Variants in SERPINA10 observed in about 807,000 individuals in gnomAD.
The protein encoded by SERPINA10 is protein Z-dependent protease inhibitor.
A neutral mutation model predicts 28.0 loss-of-function variants in SERPINA10; 24 were observed. That is an observed-to-expected ratio of 0.86 (90% CI 0.62 to 1.20). The LOEUF is 1.20. Ranked by LOEUF, SERPINA10 falls within the 50% of genes most tolerant of loss-of-function variation. The pLI, the probability that SERPINA10 is intolerant of heterozygous loss-of-function variation, is 0.00. For synonymous variants in SERPINA10, 207 were observed against 203.9 expected, an observed-to-expected ratio of 1.02 and a Z score of -0.13; for missense variants, 521 against 537.7, an observed-to-expected ratio of 0.97 and a Z score of 0.31.
rs189012264 is a variant in SERPINA10, at chr14:94,289,475, A to T, written c.718+401T>A. ...TTCATTGTCTCATTTAGCCTCTAAC[A>T]CTGTAGTAGGTGGAGTGTCCCTATT... On this transcript the variant is annotated intron_variant, in intron 2 of 4. Transcript: ENST00000261994. 2.7e-5 allele frequency among the ~76,000 whole-genome samples: 4 copies of T among 145,692 alleles called. No individual in the cohort carries two copies. The East Asian group carries it at 7.7e-4, about 28-fold the overall frequency.
At position 94,283,928 on chromosome 14, in the gene SERPINA10, A is replaced by G. The variant is rs558262662; in HGVS notation, c.*37T>C. On this transcript the variant is annotated 3_prime_UTR_variant, in exon 5 of 5. Coordinates refer to ENST00000261994, the MANE Select transcript of SERPINA10 (RefSeq NM_001100607.3). Reference sequence around the variant, plus strand: ...GTGTGTTTGATACCTCAGATTCAGCATCTACTACAGCACGAAGTGCTTATG... The same window carrying G: ...GTGTGTTTGATACCTCAGATTCAGCGTCTACTACAGCACGAAGTGCTTATG... 2.8e-5 allele frequency: 44 copies of G among 1,599,470 alleles called. 2 individuals carry two copies. The South Asian group carries it at 4.6e-4, about 17-fold the overall frequency.
At chr14:94,292,698 T>TA (rs1400993788) in intron 1 of SERPINA10, 33 of 701,912 alleles carry the variant, frequency 4.7e-5, no homozygotes, top group Admixed American at 3.8e-4. Flanking sequence ...AAGGTCTTTG[T>TA]AAAGTCTTTG....
At position 94,289,904 on chromosome 14, in the gene SERPINA10, T is replaced by G; in HGVS notation, c.690A>C (p.Leu230Phe). Residue 230 changes from leucine (L) to phenylalanine (F), a missense_variant, in exon 2 of 5, where the codon TTA (leucine) becomes TTC (phenylalanine). By Grantham distance (22) the Leu-to-Phe change is conservative. Transcript: ENST00000261994. ...TGAACAAGATGTAATCCACAAGAAT[T>G]AATTTGGTTTCAGGATTAATCTCAT... ...LFDEINPETK[L>F]ILVDYILFKG... 6.2e-7 allele frequency: 1 copy of G among 1,613,928 alleles called. No homozygotes were observed. The highest frequency in any genetic ancestry group is 8.5e-7 in the Non-Finnish European group (1 of 1,179,942).
chr14:94,290,653 G>C lies in SERPINA10; in HGVS notation c.-50-10C>G. On this transcript the variant is annotated splice_polypyrimidine_tract_variant and intron_variant, in intron 1 of 4. Coordinates refer to ENST00000261994, the MANE Select transcript of SERPINA10 (RefSeq NM_001100607.3). ...TCAGCTGCAAGACTTCCTGTGGAGA[G>C]GAGAGGATAGAGATGGTTTTAATGC... 1 of 1,599,786 alleles carries C rather than the reference G, an allele frequency of 6.3e-7. No individual in the cohort carries two copies. Among genetic ancestry groups the C allele is most frequent in the African/African-American group, 1.3e-5 (1 of 74,980 alleles).
chr14:94,281,509 C>G lies in SERPINA10; in HGVS notation c.*2456G>C, dbSNP rs915215511. ...GACTTCTACAATGTTAAGATTTCCC[C>G]CGCTCGGTTGGAAACCCTGAATTTG... On this transcript the variant is annotated 3_prime_UTR_variant, in exon 5 of 5. Transcript: ENST00000261994. The G allele has an allele frequency of 1.3e-5, 2 of 152,068 alleles. No individual in the cohort carries two copies. The highest frequency in any genetic ancestry group is 2.9e-5 in the Non-Finnish European group (2 of 68,016). 9.4% of individuals were successfully genotyped at this position (152,068 alleles called of 1,614,324 possible). A position where few individuals can be genotyped will look rare whatever the true frequency, so the allele number is the denominator to read the frequency against.
chr14:94,290,422 C>T lies in SERPINA10; in HGVS notation c.172G>A (p.Glu58Lys). The change falls in exon 2 of 5, where the codon GAG (glutamate) becomes AAG (lysine). Residue 58 changes from glutamate to lysine, a missense_variant. Glu to Lys is a moderately conservative substitution (Grantham distance 56). Transcript: ENST00000261994. ...EEEDEQEASEEKASEEEKAWL... is the reference protein window; with the variant it reads ...EEEDEQEASEKKASEEEKAWL... Reference sequence around the variant, plus strand: ...GCTTTCTCTTCCTCACTGGCCTTCTCCTCGCTGGCCTCCTGCTCATCTTCC... The same window carrying T: ...GCTTTCTCTTCCTCACTGGCCTTCTTCTCGCTGGCCTCCTGCTCATCTTCC... The T allele has an allele frequency of 1.2e-6, 2 of 1,613,886 alleles. No homozygotes were observed. The highest frequency in any genetic ancestry group is 2.2e-5 in the East Asian group (1 of 44,870).
intron 1 of SERPINA10, among the ~76,000 whole-genome samples, chr14:94,292,367 T>C (rs776676979): frequency 6.6e-6 from 1 of 152,132 alleles, no homozygotes; most frequent in Non-Finnish European, 1.5e-5. Flanking sequence ...GCTGGCACCC[T>C]GACTCGGACT....
In SERPINA10 at chr14:94,292,053, T is replaced by C. The variant is rs17129536; in HGVS notation, c.-51+1136A>G. ...CAGGTCACCCAAGTATTGTAAACGT[T>C]GGGTAAATAGCTCTTTCAGTGTAAA... On this transcript the variant is annotated intron_variant, in intron 1 of 4. Transcript: ENST00000261994. Among the ~76,000 whole-genome samples, 999 of 152,302 alleles carry C rather than the reference T, an allele frequency of 6.6e-3. 6 individuals are homozygous for C. Among genetic ancestry groups the C allele is most frequent in the Middle Eastern group, 0.044 (13 of 294 alleles).
Position 94,290,308 on chromosome 14 carries a change from C to T in SERPINA10, c.286G>A (p.Gly96Ser). Residue 96 changes from glycine (G) to serine (S), a missense_variant, in exon 2 of 5, where the codon GGC (glycine) becomes AGC (serine). Coordinates refer to ENST00000261994, the MANE Select transcript of SERPINA10 (RefSeq NM_001100607.3). ...LLRKISMRHD[G>S]NMVFSPFGMS... The stretch of plus-strand genomic sequence containing the variant: ...CCAAATGGAGAGAAGACCATGTTGC[C>T]ATCGTGCCTCATGGAGATCTTTCGC... The T allele has an allele frequency of 6.2e-7, 1 of 1,614,194 alleles. No individual in the cohort carries two copies. Among genetic ancestry groups the T allele is most frequent in the Non-Finnish European group, 8.5e-7 (1 of 1,180,022 alleles).
intron 1 of SERPINA10, among the ~76,000 whole-genome samples, chr14:94,291,265 G>A (rs1233986110): frequency 6.6e-6 from 1 of 152,192 alleles, no homozygotes; most frequent in Non-Finnish European, 1.5e-5. Flanking sequence ...CCGGGTAGCA[G>A]GAGGCCCCGC....
In SERPINA10 at chr14:94,288,282, G is replaced by T. The variant is rs375562589; in HGVS notation, c.992+4C>A. On this transcript the variant is annotated splice_donor_region_variant and intron_variant, in intron 3 of 4. Transcript: ENST00000261994. ...TTTGTATAGGGTGTGGGCAAGAGTT[G>T]TACCTGGTTTTCATGTTTCTGAGCC... 2.8e-5 allele frequency: 45 copies of T among 1,613,314 alleles called. No homozygotes were observed. The highest frequency in any genetic ancestry group is 3.4e-5 in the Non-Finnish European group (40 of 1,180,038).
At position 94,286,116 on chromosome 14, in the gene SERPINA10, C is replaced by T; in HGVS notation, c.1135G>A (p.Val379Ile). Reference sequence around the variant, plus strand: ...GAAAGATCCTGACTTACCCTGGATACTTGGAGATTTCTTCCAGTAGCTGAG... The same window carrying T: ...GAAAGATCCTGACTTACCCTGGATATTTGGAGATTTCTTCCAGTAGCTGAG... The part of the protein sequence containing the change: ...ELSATGRNLQ[V>I]SRVLQRTVIE... Residue 379 changes from valine (V) to isoleucine (I), a missense_variant, in exon 4 of 5, where the codon GTA becomes ATA. Coordinates refer to ENST00000261994, the MANE Select transcript of SERPINA10 (RefSeq NM_001100607.3). The T allele has an allele frequency of 6.2e-7, 1 of 1,614,126 alleles. No individual in the cohort carries two copies. Among genetic ancestry groups the T allele is most frequent in the Non-Finnish European group, 8.5e-7 (1 of 1,180,008 alleles).
rs879798665 is a variant in SERPINA10, at chr14:94,280,782, G to A, written c.*3183C>T. 1.3e-5 allele frequency: 2 copies of A among 152,166 alleles called. No individual in the cohort carries two copies. The highest frequency in any genetic ancestry group is 4.8e-5 in the African/African-American group (2 of 41,440). The allele number at this position is 152,166 out of a possible 1,614,324, so 9.4% of individuals were successfully genotyped here. A position where few individuals can be genotyped will look rare whatever the true frequency, so the allele number is the denominator to read the frequency against. On this transcript the variant is annotated 3_prime_UTR_variant, in exon 5 of 5. Coordinates refer to ENST00000261994, the MANE Select transcript of SERPINA10 (RefSeq NM_001100607.3). ...CACTAGTTAGCCTTACAAGCTAACTGTAGAGCTCACTTTTACTGCAGAAAT... is the reference window on the plus strand; with the variant it reads ...CACTAGTTAGCCTTACAAGCTAACTATAGAGCTCACTTTTACTGCAGAAAT...
rs1348115369 is a variant in SERPINA10 at position 94,289,941 on chromosome 14, G to A, written c.653C>T (p.Pro218Leu). ...AGGATTAATCTCATCAAACAGTTTG[G>A]GAATTTTCCCCCGAGTCTCTTTGTT... ...YINKETRGKI[P>L]KLFDEINPET... The change falls in exon 2 of 5, where the codon CCC becomes CTC. Residue 218 changes from proline to leucine, a missense_variant. Physicochemically the swap from Pro to Leu is moderately conservative, Grantham distance 98. Transcript: ENST00000261994. The A allele has an allele frequency of 1.9e-6, 3 of 1,614,046 alleles. No homozygotes were observed. In the East Asian group the frequency reaches 6.7e-5, roughly 36 times the overall value.
chr14:94,292,270 C>T (rs1237007319), intron 1 of SERPINA10, among the ~76,000 whole-genome samples: 1 of 152,060 alleles, frequency 6.6e-6, no homozygotes, highest in Non-Finnish European at 1.5e-5. Flanking sequence ...AGCAGAGTCC[C>T]CCTCCGCACC....
At chr14:94,284,917 C>A (rs1391694207) in intron 4 of SERPINA10, among the ~76,000 whole-genome samples, 1 of 152,100 alleles carries the variant, frequency 6.6e-6, no homozygotes, top group Non-Finnish European at 1.5e-5. Flanking sequence ...TTCATGATGA[C>A]CCTTCATAAA....
At chr14:94,285,300 A>G (rs1034869578) in intron 4 of SERPINA10, among the ~76,000 whole-genome samples, 1 of 152,136 alleles carries the variant, frequency 6.6e-6, no homozygotes, top group African/African-American at 2.4e-5. Flanking sequence ...GACAACAAGC[A>G]GTTCCCCTCA....
At chr14:94,285,707 A>G (rs1054981577) in intron 4 of SERPINA10, among the ~76,000 whole-genome samples, 3 of 152,064 alleles carry the variant, frequency 2.0e-5, no homozygotes, top group African/African-American at 7.2e-5. Context: ...TCGTAGGGCT[A>G]TGGAGGGGAT....
chr14:94,283,375 T>C lies in SERPINA10; in HGVS notation c.*590A>G, dbSNP rs1894943044. 6.5e-6 allele frequency: 1 copy of C among 152,832 alleles called. No homozygotes were observed. The highest frequency in any genetic ancestry group is 2.4e-5 in the African/African-American group (1 of 41,458). 9.5% of individuals were successfully genotyped at this position (152,832 alleles called of 1,614,324 possible). ...TCCTCCCTTATCCATGGTTTTGCTT[T>C]CTGCAGTCTCAGTTAACCATGGTCA... is the stretch of plus-strand genomic sequence containing the variant. On this transcript the variant is annotated 3_prime_UTR_variant, in exon 5 of 5. Transcript: ENST00000261994.
Sources: gnomAD v4.1 joint callset for allele counts (sites outside exome capture counted in the v4.1 genomes callset) on GRCh38, gnomAD v4.1.1 for gene constraint, MANE v1.5 for transcripts, NCBI Gene and HGNC (gene_info 2026-07-23, HGNC 2026-07-21) for gene names.